The following STIM1 variants were observed in gnomAD, a reference collection of about 807,000 sequenced individuals.
STIM1 encodes stromal interaction molecule 1.
STIM1 carries 25 observed loss-of-function variants against 74.7 expected under a neutral mutation model. That is an observed-to-expected ratio of 0.33 (90% CI 0.24 to 0.47). The LOEUF (loss-of-function observed/expected upper bound fraction) is 0.47, where lower values mean the gene tolerates loss of function less well. Ranked by LOEUF, STIM1 falls within the 20% of genes least tolerant of loss-of-function variation. The pLI is 1.00. For missense variants in STIM1, 728 were observed against 920.8 expected (o/e 0.79, Z 2.71); for synonymous variants, 328 against 348.8 (o/e 0.94, Z 0.66).
In STIM1 at chr11:3,938,693, A is replaced by G. The variant is rs564303953; in HGVS notation, c.140-28859A>G. ...GAAGCCCTGTCTCTACTAAAAATAT[A>G]AAAATGAGCCTGGTGTGGTGGCACA... On this transcript the variant is annotated intron_variant, in intron 1 of 12. Coordinates refer to ENST00000526596, the MANE Select transcript of STIM1 (RefSeq NM_001382567.1). 1.3e-4 allele frequency among the ~76,000 whole-genome samples: 20 copies of G among 152,286 alleles called. No individual in the cohort carries two copies. The South Asian group carries it at 3.9e-3, about 30-fold the overall frequency.
At position 4,091,702 on chromosome 11, in the gene STIM1, TGAG is replaced by T. The variant is rs747758858; in HGVS notation, c.2061_2063del (p.Glu687del). 1.2e-5 allele frequency: 19 copies of T among 1,614,038 alleles called. No individual in the cohort carries two copies. The highest frequency in any genetic ancestry group is 7.7e-5 in the South Asian group (7 of 91,086). ...ACCTGGCTGGCAAGAAGGCTGTGGC[TGAG>T]GAGGATAATGGCTCTATTGGCGAGG... On this transcript the variant is annotated inframe_deletion, in exon 13 of 13. Transcript: ENST00000526596.
At chr11:3,992,036 A>C (rs2135855030) in intron 2 of STIM1, among the ~76,000 whole-genome samples, 2 of 143,284 alleles carry the variant, frequency 1.4e-5, no homozygotes, top group Non-Finnish European at 1.5e-5. Flanking sequence ...ATTCCCATCA[A>C]CTGTGTATAA....
intron 1 of STIM1, among the ~76,000 whole-genome samples, chr11:3,951,910 G>A (rs6578424): frequency 0.34 from 52,242 of 151,804 alleles, 9,200 homozygotes; most frequent in South Asian, 0.48. Context: ...GTGTGTGTTG[G>A]TTTAATTCTT....
intron 3 of STIM1, among the ~76,000 whole-genome samples, chr11:4,052,831 T>C (rs978271508): frequency 2.0e-5 from 3 of 152,108 alleles, no homozygotes; most frequent in Non-Finnish European, 4.4e-5. Context: ...AGTTTTGCAA[T>C]ATACTCATCT....
chr11:3,880,183 G>A (rs1013225569), intron 1 of STIM1, among the ~76,000 whole-genome samples: 2 of 152,216 alleles, frequency 1.3e-5, no homozygotes, highest in East Asian at 1.9e-4. Context: ...GCCACTGAGA[G>A]AATGTATTTA....
intron 1 of STIM1, among the ~76,000 whole-genome samples, chr11:3,934,301 T>A (rs2092907765): frequency 1.3e-5 from 2 of 152,176 alleles, no homozygotes; most frequent in South Asian, 4.1e-4. Context: ...ACAAGGCTGC[T>A]ACACTCACCC....
At chr11:4,077,198 T>A (rs1395115594) in intron 7 of STIM1, among the ~76,000 whole-genome samples, 1 of 151,738 alleles carries the variant, frequency 6.6e-6, no homozygotes, top group East Asian at 1.9e-4. Flanking sequence ...CCTAAAGCAG[T>A]TGCTAAGTGA....
At chr11:4,046,800 C>A (rs890621643) in intron 3 of STIM1, among the ~76,000 whole-genome samples, 2 of 152,164 alleles carry the variant, frequency 1.3e-5, no homozygotes, top group African/African-American at 4.8e-5. Flanking sequence ...CAGGCATGTG[C>A]CATTAGGCCT....
At chr11:4,027,512 G>A (rs926970436) in intron 3 of STIM1, among the ~76,000 whole-genome samples, 34 of 152,108 alleles carry the variant, frequency 2.2e-4, no homozygotes, top group African/African-American at 7.2e-4. Context: ...GGGTTTCACC[G>A]TGTTGGTTGG....
intron 6 of STIM1, among the ~76,000 whole-genome samples, chr11:4,070,533 A>G (rs1478766525): frequency 6.6e-6 from 1 of 152,200 alleles, no homozygotes; most frequent in Non-Finnish European, 1.5e-5. Flanking sequence ...TTCTCCTAGC[A>G]TATAAATAGA....
chr11:3,965,809 T>C (rs2093334630), intron 1 of STIM1, among the ~76,000 whole-genome samples: 2 of 152,188 alleles, frequency 1.3e-5, no homozygotes, highest in Admixed American at 6.5e-5. Flanking sequence ...ACTTCGAGAC[T>C]GGCCTGGCCA....
chr11:4,039,480 G>A (rs926598161), intron 3 of STIM1, among the ~76,000 whole-genome samples: 49 of 150,816 alleles, frequency 3.2e-4, no homozygotes, highest in African/African-American at 3.7e-4. Flanking sequence ...ACGGCTACTC[G>A]GGAGGCTGAG....
At chr11:3,858,498 G>C (rs2090474523) in intron 1 of STIM1, among the ~76,000 whole-genome samples, 1 of 152,196 alleles carries the variant, frequency 6.6e-6, no homozygotes, top group Non-Finnish European at 1.5e-5. Context: ...TGGAAACCTG[G>C]AGGTTCTAGC....
At chr11:3,887,284 A>G (rs913972218) in intron 1 of STIM1, among the ~76,000 whole-genome samples, 24 of 152,196 alleles carry the variant, frequency 1.6e-4, no homozygotes, top group African/African-American at 5.8e-4. Flanking sequence ...GTACCTGCTC[A>G]CTTTTGCCCT....
chr11:3,956,508 C>T (rs1176134429), intron 1 of STIM1, among the ~76,000 whole-genome samples: 2 of 151,912 alleles, frequency 1.3e-5, no homozygotes, highest in Admixed American at 6.6e-5. Context: ...TTCTGTAGGT[C>T]CTAAGTGAAA....
At chr11:3,882,228 T>G (rs1437113226) in intron 1 of STIM1, among the ~76,000 whole-genome samples, 1 of 151,004 alleles carries the variant, frequency 6.6e-6, no homozygotes, top group South Asian at 2.1e-4. Flanking sequence ...GCCTCCCGAG[T>G]AGCTGGGATT....
chr11:3,959,193 G>T (rs1422030295), intron 1 of STIM1, among the ~76,000 whole-genome samples: 1 of 152,174 alleles, frequency 6.6e-6, no homozygotes, highest in Non-Finnish European at 1.5e-5. Flanking sequence ...TCCTGGCTGA[G>T]AAATAAGAGG....
chr11:4,073,416 T>C (rs908986683), intron 6 of STIM1, among the ~76,000 whole-genome samples: 2 of 152,258 alleles, frequency 1.3e-5, no homozygotes, highest in African/African-American at 2.4e-5. Context: ...CAAGACCTTA[T>C]ATATCTATAT....
At chr11:4,079,573 C>CA (rs200195849) in intron 7 of STIM1, among the ~76,000 whole-genome samples, 6,741 of 146,486 alleles carry the variant, frequency 0.046, 466 homozygotes, top group African/African-American at 0.15. Context: ...GACTCCATCT[C>CA]AAAAAAAAAA....
Sources: allele counts gnomAD v4.1 joint callset (sites outside exome capture counted in the v4.1 genomes callset), GRCh38; gene constraint gnomAD v4.1.1; transcripts MANE v1.5; gene names NCBI Gene and HGNC (gene_info 2026-07-23, HGNC 2026-07-21).